Variants in CDK20 observed in about 807,000 individuals in gnomAD.
CDK20 encodes the protein cyclin dependent kinase 20.
A neutral mutation model predicts 38.6 loss-of-function variants in CDK20; 40 were observed. That is an observed-to-expected ratio of 1.04 (90% CI 0.81 to 1.35). The LOEUF is 1.35. Among genes scored for constraint, CDK20 ranks in the 40% most tolerant of loss-of-function variants. The pLI is 0.00. For missense variants in CDK20, 512 were observed against 452.6 expected, an observed-to-expected ratio of 1.13 and a Z score of -1.19; for synonymous variants, 209 against 185.7, an observed-to-expected ratio of 1.13 and a Z score of -1.02.
At chr9:87,970,265 CAG>C (rs1261591821) in intron 5 of CDK20, 1 of 469,168 alleles carries the variant, frequency 2.1e-6, no homozygotes, top group African/African-American at 2.0e-5. Context: ...CTGACCAGCT[CAG>C]AGATGCCATA....
intron 7 of CDK20, chr9:87,968,019 G>C (rs1434890546): frequency 5.4e-6 from 1 of 183,910 alleles, no homozygotes; most frequent in Non-Finnish European, 1.1e-5. Flanking sequence ...CATCTGAGAA[G>C]TGACATTTAA....
In CDK20 at chr9:87,971,330, T is replaced by C. The variant is rs1829847184; in HGVS notation, c.195A>G (p.Val65=). ...LQEMEDNQYV[V]QLKAVFPHGG... ...CGTGTGGGAACACAGCCTTCAGTTGTACCACCTGTGGGCAGGACATCTTGT... is the reference window on the plus strand; with the variant it reads ...CGTGTGGGAACACAGCCTTCAGTTGCACCACCTGTGGGCAGGACATCTTGT... Residue 65 remains valine (V), a synonymous_variant, in exon 3 of 8, where the codon GTA becomes GTG. Transcript: ENST00000325303. 1.2e-6 allele frequency: 2 copies of C among 1,611,844 alleles called. No homozygotes were observed. Among genetic ancestry groups the C allele is most frequent in the East Asian group, 2.2e-5 (1 of 44,808 alleles).
intron 7 of CDK20, chr9:87,968,142 T>G (rs555595): frequency 0.42 from 64,653 of 153,054 alleles, 14,668 homozygotes; most frequent in Middle Eastern, 0.54. Flanking sequence ...GCAGGCAGCG[T>G]CATGAGGTGA....
intron 2 of CDK20, 100 bp from the exon 3 acceptor site, chr9:87,971,435 C>T: frequency 9.3e-7 from 1 of 1,080,862 alleles, no homozygotes; most frequent in Non-Finnish European, 1.3e-6. Flanking sequence ...ACCCTGTATC[C>T]AAAAAGACAG....
chr9:87,970,916 G>T lies in CDK20; in HGVS notation c.379-19C>A. ...TCAGGTCCTGGGAGTACCAAAAGAA[G>T]CATCAGTCCCTCCAAATCCCCCATA... is the stretch of plus-strand genomic sequence containing the variant. On this transcript the variant is annotated intron_variant, in intron 3 of 7. Transcript: ENST00000325303. 1 of 1,613,996 alleles carries T rather than the reference G, an allele frequency of 6.2e-7. No homozygotes were observed. Among genetic ancestry groups the T allele is most frequent in the Non-Finnish European group, 8.5e-7 (1 of 1,179,934 alleles).
At chr9:87,973,052 TATA>T (rs1168259369) in intron 2 of CDK20, among the ~76,000 whole-genome samples, 2 of 152,310 alleles carry the variant, frequency 1.3e-5, no homozygotes, top group East Asian at 1.9e-4. Flanking sequence ...CATTCACATA[TATA>T]ATATTTCCAA....
Position 87,969,931 on chromosome 9 carries a change from G to A in CDK20, c.564-12C>T, listed in dbSNP as rs765005307. ...TGCAGCCCACAGACCTGTGGACACA[G>A]AGCCCCAAGCAGGTCAGAGATCTCC... On this transcript the variant is annotated splice_polypyrimidine_tract_variant and intron_variant, in intron 5 of 7. Transcript: ENST00000325303. 118 of 1,549,522 alleles carry A rather than the reference G, an allele frequency of 7.6e-5. 1 individual carries two copies. The highest frequency in any genetic ancestry group is 3.5e-4 in the Middle Eastern group (2 of 5,748).
rs28364957 is a variant in CDK20, at chr9:87,970,279, C to T, written c.563+289G>A. On this transcript the variant is annotated intron_variant, in intron 5 of 7. Transcript: ENST00000325303. ...TCTGACCAGCTCAGAGATGCCATAT[C>T]CTAGGATCTAACTCCAGCACATATC... is the stretch of plus-strand genomic sequence containing the variant. The T allele has an allele frequency of 7.1e-3, 3,386 of 474,100 alleles. 101 individuals carry two copies. Among genetic ancestry groups the T allele is most frequent in the African/African-American group, 0.059 (3,008 of 51,214 alleles). 29.4% of individuals were successfully genotyped at this position (474,100 alleles called of 1,614,324 possible).
chr9:87,967,874 G>A (rs1829540124), intron 7 of CDK20: 1 of 520,822 alleles, frequency 1.9e-6, no homozygotes, highest in Non-Finnish European at 3.4e-6. Context: ...AGTGAGGGTG[G>A]GGGGTAATAA....
Position 87,969,910 on chromosome 9 carries a change from G to A in CDK20, c.573C>T (p.Gly191=), listed in dbSNP as rs776508570. 3 of 1,579,884 alleles carry A rather than the reference G, an allele frequency of 1.9e-6. No individual in the cohort carries two copies. Among genetic ancestry groups the A allele is most frequent in the Admixed American group, 1.7e-5 (1 of 57,544 alleles). ...YDQGVDLWSV[G]CIMGELLNGS... ...CATTCAACAGCTCCCCCATGATGCAGCCCACAGACCTGTGGACACAGAGCC... is the reference window on the plus strand; with the variant it reads ...CATTCAACAGCTCCCCCATGATGCAACCCACAGACCTGTGGACACAGAGCC... The change falls in exon 6 of 8, where the codon GGC becomes GGT. Residue 191 remains glycine, a synonymous_variant. Coordinates refer to ENST00000325303, the MANE Select transcript of CDK20 (RefSeq NM_001039803.3).
Position 87,970,908 on chromosome 9 carries a change from C to G in CDK20, c.379-11G>C. The G allele has an allele frequency of 6.2e-7, 1 of 1,614,018 alleles. No homozygotes were observed. The highest frequency in any genetic ancestry group is 8.5e-7 in the Non-Finnish European group (1 of 1,179,948). On this transcript the variant is annotated splice_polypyrimidine_tract_variant and intron_variant, in intron 3 of 7. Coordinates refer to ENST00000325303, the MANE Select transcript of CDK20 (RefSeq NM_001039803.3). Reference sequence around the variant, plus strand: ...GGCAGGTTTCAGGTCCTGGGAGTACCAAAAGAAGCATCAGTCCCTCCAAAT... The same window carrying G: ...GGCAGGTTTCAGGTCCTGGGAGTACGAAAAGAAGCATCAGTCCCTCCAAAT...
chr9:87,967,553 G>A lies in CDK20; in HGVS notation c.950C>T (p.Pro317Leu). The A allele has an allele frequency of 6.4e-7, 1 of 1,552,632 alleles. No homozygotes were observed. The highest frequency in any genetic ancestry group is 8.7e-7 in the Non-Finnish European group (1 of 1,147,496). ...GGPAPKAHPG[P>L]PHIHDFHVDR... is the part of the protein sequence containing the mutation. Reference sequence around the variant, plus strand: ...CACGTGGAAGTCATGGATGTGGGGGGGCCCTGGATGGGCCTTGGGGGCAGG... The same window carrying A: ...CACGTGGAAGTCATGGATGTGGGGGAGCCCTGGATGGGCCTTGGGGGCAGG... The change falls in exon 8 of 8, where the codon CCC (proline) becomes CTC (leucine). Residue 317 changes from proline (P) to leucine (L), a missense_variant. Physicochemically the swap from Pro to Leu is moderately conservative, Grantham distance 98 (BLOSUM62 -3). Transcript: ENST00000325303.
In CDK20 at chr9:87,966,831, T is replaced by C. The variant is rs1167; in HGVS notation, c.*631A>G. The C allele has an allele frequency of 0.85, 301,590 of 356,484 alleles. 130,447 individuals carry two copies. The highest frequency in any genetic ancestry group is 0.92 in the Non-Finnish European group (166,604 of 181,338). The allele number at this position is 356,484 out of a possible 1,614,324, so 22.1% of individuals were successfully genotyped here. On this transcript the variant is annotated 3_prime_UTR_variant, in exon 8 of 8. Transcript: ENST00000325303. ...TAAATGAGTGCTCAGTGATGTGAAG[T>C]ACACAGGAGTCCCTCAGGGCAAAAG... is the stretch of plus-strand genomic sequence containing the variant.
chr9:87,973,540 T>C (rs1255613059), intron 2 of CDK20, among the ~76,000 whole-genome samples: 1 of 152,194 alleles, frequency 6.6e-6, no homozygotes, highest in Non-Finnish European at 1.5e-5. Flanking sequence ...AAACCTGCCT[T>C]GTACAGTAGT....
intron 2 of CDK20, among the ~76,000 whole-genome samples, chr9:87,973,386 C>G (rs1294213522): frequency 6.6e-6 from 1 of 151,652 alleles, no homozygotes; most frequent in Non-Finnish European, 1.5e-5. Context: ...GTCACCAGTG[C>G]CCAACACAGG....
Position 87,967,008 on chromosome 9 carries a change from A to ACT in CDK20, c.*452_*453dup. 2.0e-6 allele frequency: 1 copy of ACT among 498,116 alleles called. No individual in the cohort carries two copies. The highest frequency in any genetic ancestry group is 4.0e-6 in the Non-Finnish European group (1 of 249,400). 30.9% of individuals were successfully genotyped at this position (498,116 alleles called of 1,614,324 possible). On this transcript the variant is annotated 3_prime_UTR_variant, in exon 8 of 8. Coordinates refer to ENST00000325303, the MANE Select transcript of CDK20 (RefSeq NM_001039803.3). ...TTAGAATCTATATCTCACATACTGA[A>ACT]CTAGTGTTTAATGGCTCTGAGAATA...
Position 87,967,582 on chromosome 9 carries a change from C to G in CDK20, c.921G>C (p.Gly307=), listed in dbSNP as rs1488836256. The change falls in exon 8 of 8, where the codon GGG becomes GGC. Residue 307 remains glycine, a synonymous_variant. Transcript: ENST00000325303. ...CTGGATGGGCCTTGGGGGCAGGTCC[C>G]CCTAGACGCTGAGGAATCGGCAGCT... is the stretch of plus-strand genomic sequence containing the variant. ...PSELPIPQRL[G]GPAPKAHPGP... 3 of 1,540,446 alleles carry G rather than the reference C, an allele frequency of 1.9e-6. No individual in the cohort carries two copies. Among genetic ancestry groups the G allele is most frequent in the African/African-American group, 1.4e-5 (1 of 72,910 alleles).
intron 2 of CDK20, among the ~76,000 whole-genome samples, chr9:87,973,295 A>G (rs1449003613): frequency 1.3e-5 from 2 of 152,084 alleles, no homozygotes. Context: ...AGCACGAACC[A>G]CACTAGGTGG....
intron 7 of CDK20, chr9:87,968,704 A>G (rs1829622169): frequency 6.4e-6 from 1 of 155,056 alleles, no homozygotes; most frequent in Admixed American, 6.3e-5. Flanking sequence ...CAGCTGGAGA[A>G]CATGACCTCT....
Sources: allele counts gnomAD v4.1 joint callset (sites outside exome capture counted in the v4.1 genomes callset), GRCh38; gene constraint gnomAD v4.1.1; transcripts MANE v1.5; gene names NCBI Gene and HGNC (gene_info 2026-07-23, HGNC 2026-07-21).